Variants in PDZD4 observed in about 807,000 individuals in gnomAD.
PDZD4 encodes the protein PDZ domain-containing protein 4.
PDZD4 carries 9 observed loss-of-function variants against 38.5 expected under a neutral mutation model. The observed-to-expected ratio is 0.23, with a 90% CI of 0.14 to 0.41. The LOEUF is 0.41. PDZD4 is among the 10% of genes least tolerant of loss of function. The pLI, the probability that PDZD4 is intolerant of heterozygous loss-of-function variation, is 1.00. For missense variants in PDZD4, 612 were observed against 722.0 expected (o/e 0.85, Z 1.75); for synonymous variants, 349 against 315.7 (o/e 1.11, Z -1.12).
rs781865965 is a variant in PDZD4, at chrX:153,802,345, G to C, written c.*1008C>G. 3.6e-5 allele frequency: 4 copies of C among 111,761 alleles called. No individual in the cohort carries two copies. In the East Asian group the frequency reaches 8.5e-4, roughly 24 times the overall value. 9.2% of individuals were successfully genotyped at this position (111,761 alleles called of 1,213,427 possible). A position where few individuals can be genotyped will look rare whatever the true frequency, so the allele number is the denominator to read the frequency against. On this transcript the variant is annotated 3_prime_UTR_variant, in exon 8 of 8. Coordinates refer to ENST00000393758, the MANE Select transcript of PDZD4 (RefSeq NM_001303512.2). The stretch of plus-strand genomic sequence containing the variant: ...GCCTCTCCTTCCCAGTCAGCCCACC[G>C]CCTCTCACTGGGGTCCAGGTTGCGG...
Position 153,807,315 on chromosome X carries a change from C to T in PDZD4, c.369G>A (p.Pro123=), listed in dbSNP as rs781966669. Residue 123 remains proline, a synonymous_variant, in exon 3 of 8, where the codon CCG becomes CCA. Coordinates refer to ENST00000393758, the MANE Select transcript of PDZD4 (RefSeq NM_001303512.2). ...YDPAEFMEGG[P]QEADRLDELE... is the part of the protein sequence containing the mutation. ...GCTCATCCAAGCGGTCTGCCTCCTG[C>T]GGGCCGCCCTCCATAAACTCCGCCG... 5.0e-6 allele frequency: 6 copies of T among 1,210,250 alleles called. No individual in the cohort carries two copies. The highest frequency in any genetic ancestry group is 2.3e-4 in the Middle Eastern group (1 of 4,333).
Position 153,804,031 on chromosome X carries a change from C to T in PDZD4, c.1650G>A (p.Glu550=), listed in dbSNP as rs1557075747. 3 of 1,157,654 alleles carry T rather than the reference C, an allele frequency of 2.6e-6. No individual in the cohort carries two copies. Among genetic ancestry groups the T allele is most frequent in the Admixed American group, 2.6e-5 (1 of 38,414 alleles). ...CCGTCTTGGGGTTGCGGCGGCCGCG[C>T]TCCTCCGCGTGCTGCCTCCGGCCGG... ...PEAGRRQHAE[E]RGRRNPKTGL... The change falls in exon 8 of 8, where the codon GAG becomes GAA. Residue 550 remains glutamate (E), a synonymous_variant. Transcript: ENST00000393758.
chrX:153,820,195 A>AT (rs2148472665), intron 1 of PDZD4, among the ~76,000 whole-genome samples: 1 of 108,818 alleles, frequency 9.2e-6, no homozygotes, highest in African/African-American at 3.4e-5. Context: ...AAAAATACAA[A>AT]AATTAGCCGG....
Position 153,830,420 on chromosome X carries a change from C to G in PDZD4, c.-122G>C. 1 of 534,005 alleles carries G rather than the reference C, an allele frequency of 1.9e-6. No individual in the cohort carries two copies. The highest frequency in any genetic ancestry group is 2.9e-6 in the Non-Finnish European group (1 of 339,510). The allele number at this position is 534,005 out of a possible 1,213,427, so 44.0% of individuals were successfully genotyped here. Reference sequence around the variant, plus strand: ...CCATACCCTGGCGCGGGGGGCGGGCCGCCTAGCGGGGGAGGGGGGCACGCC... The same window carrying G: ...CCATACCCTGGCGCGGGGGGCGGGCGGCCTAGCGGGGGAGGGGGGCACGCC... On this transcript the variant is annotated 5_prime_UTR_variant, in exon 1 of 8. Transcript: ENST00000393758.
chrX:153,817,117 G>C (rs2064371653), intron 1 of PDZD4, among the ~76,000 whole-genome samples: 1 of 111,351 alleles, frequency 9.0e-6, no homozygotes, highest in Admixed American at 9.5e-5. Context: ...AGAGGACGCG[G>C]GGACCCTGGA....
At chrX:153,808,183 G>A (rs2064273001) in intron 2 of PDZD4, 159 bp downstream of exon 2, 1 of 1,074,358 alleles carries the variant, frequency 9.3e-7, no homozygotes, top group African/African-American at 1.9e-5. Flanking sequence ...CCCGGCCCAA[G>A]GCTAGAGGCC....
rs1185718675 is a variant in PDZD4, at chrX:153,811,214, G to A, written c.61-2619C>T. ...TGCAGTGGCATAATCTTGGCTCACTGCAACCTCTGCCTCCTGGGTTCAAGT... is the reference window on the plus strand; with the variant it reads ...TGCAGTGGCATAATCTTGGCTCACTACAACCTCTGCCTCCTGGGTTCAAGT... On this transcript the variant is annotated intron_variant, in intron 1 of 7. Transcript: ENST00000393758. 5.4e-5 allele frequency among the ~76,000 whole-genome samples: 6 copies of A among 110,767 alleles called. No individual in the cohort carries two copies. The Admixed American group carries it at 5.8e-4, about 11-fold the overall frequency.
At position 153,830,242 on chromosome X, in the gene PDZD4, C is replaced by T. The variant is rs782280429; in HGVS notation, c.57G>A (p.Leu19=). The T allele has an allele frequency of 4.2e-6, 5 of 1,194,719 alleles. No individual in the cohort carries two copies. Among genetic ancestry groups the T allele is most frequent in the Non-Finnish European group, 4.5e-6 (4 of 887,608 alleles). ...QKPEEQYKVM[L]QVNGKELSKL... Reference sequence around the variant, plus strand: ...GCCGCAGCGCCGGCGGCCCTACCTGCAGCATCACTTTGTACTGCTCCTCCG... The same window carrying T: ...GCCGCAGCGCCGGCGGCCCTACCTGTAGCATCACTTTGTACTGCTCCTCCG... Residue 19 remains leucine, a synonymous_variant, in exon 1 of 8, where the codon CTG becomes CTA. Transcript: ENST00000393758.
chrX:153,824,901 G>A (rs1301701954), intron 1 of PDZD4, among the ~76,000 whole-genome samples: 2 of 112,268 alleles, frequency 1.8e-5, no homozygotes, highest in African/African-American at 6.5e-5. Flanking sequence ...GGGAGGCTGA[G>A]GCAGGAGAAT....
intron 3 of PDZD4, 95 bp downstream of exon 3, chrX:153,807,184 G>T: frequency 1.1e-6 from 1 of 915,370 alleles, no homozygotes; most frequent in East Asian, 3.3e-5. Flanking sequence ...TGCGTGCCAG[G>T]AGGGCCACGG....
rs781975834 is a variant in PDZD4 at position 153,830,304 on chromosome X, T to C, written c.-6A>G. 3 of 1,194,903 alleles carry C rather than the reference T, an allele frequency of 2.5e-6. No individual in the cohort carries two copies. In the South Asian group the frequency reaches 5.4e-5, roughly 21 times the overall value. ...ACGCACATATTACATCCCATGTTGC[T>C]GGCCGGCGAGAGGAGGCGGAGGGCG... On this transcript the variant is annotated 5_prime_UTR_variant, in exon 1 of 8. Transcript: ENST00000393758.
rs782322221 is a variant in PDZD4, at chrX:153,804,025, G to A, written c.1656C>T (p.Gly552=). 44 of 1,157,845 alleles carry A rather than the reference G, an allele frequency of 3.8e-5. 1 individual carries two copies. The South Asian group carries it at 8.3e-4, about 22-fold the overall frequency. Residue 552 remains glycine, a synonymous_variant, in exon 8 of 8, where the codon GGC becomes GGT. Transcript: ENST00000393758. ...TCAACCCCGTCTTGGGGTTGCGGCGGCCGCGCTCCTCCGCGTGCTGCCTCC... is the reference window on the plus strand; with the variant it reads ...TCAACCCCGTCTTGGGGTTGCGGCGACCGCGCTCCTCCGCGTGCTGCCTCC... The part of the protein sequence containing the change: ...AGRRQHAEER[G]RRNPKTGLTL...
intron 1 of PDZD4, among the ~76,000 whole-genome samples, chrX:153,825,732 T>C (rs2064474421): frequency 9.0e-6 from 1 of 111,728 alleles, no homozygotes; most frequent in African/African-American, 3.3e-5. Flanking sequence ...AAAAACACAC[T>C]AGGAATAGAA....
chrX:153,806,162 G>C (rs782622637), intron 4 of PDZD4, 29 bp from the exon 5 acceptor site: 1 of 1,202,705 alleles, frequency 8.3e-7, no homozygotes, highest in Non-Finnish European at 1.1e-6. Context: ...TTGGGGACTT[G>C]GTGCCTAACA....
intron 1 of PDZD4, among the ~76,000 whole-genome samples, 177 bp from the exon 2 acceptor site, chrX:153,808,772 G>A (rs2064280993): frequency 8.8e-6 from 1 of 113,124 alleles, no homozygotes; most frequent in South Asian, 3.6e-4. Flanking sequence ...TCCCAGGCAA[G>A]CCCCACTGCT....
At chrX:153,805,291 C>T (rs1603261311) in intron 6 of PDZD4, 84 bp from the exon 7 acceptor site, 5 of 930,981 alleles carry the variant, frequency 5.4e-6, no homozygotes, top group Admixed American at 2.4e-5. Flanking sequence ...CCGCACTTGG[C>T]TTGTTTCGGT....
At chrX:153,830,216 C>G (rs2064527896) in intron 1 of PDZD4, 23 bp downstream of exon 1, 8 of 1,188,368 alleles carry the variant, frequency 6.7e-6, no homozygotes, top group Non-Finnish European at 7.9e-6. Context: ...GCCGCGCCCC[C>G]GCCGCAGCGC....
At chrX:153,819,094 G>C (rs912109744) in intron 1 of PDZD4, among the ~76,000 whole-genome samples, 1 of 112,705 alleles carries the variant, frequency 8.9e-6, no homozygotes, top group African/African-American at 3.2e-5. Context: ...CGGAGCCGCA[G>C]ACAAAGAGCG....
intron 3 of PDZD4, among the ~76,000 whole-genome samples, chrX:153,807,066 G>C (rs782716065): frequency 8.9e-6 from 1 of 112,685 alleles, no homozygotes; most frequent in African/African-American, 3.2e-5. Context: ...GGAAATGCAC[G>C]AGGCACACAC....
Sources: gnomAD v4.1 joint callset for allele counts (sites outside exome capture counted in the v4.1 genomes callset) on GRCh38, gnomAD v4.1.1 for gene constraint, MANE v1.5 for transcripts, NCBI Gene and HGNC (gene_info 2026-07-23, HGNC 2026-07-21) for gene names.